KCNN2: variants seen among roughly 807,000 people sequenced by gnomAD.
KCNN2 encodes potassium calcium-activated channel subfamily N member 2, also known as small conductance calcium-activated potassium channel protein 2.
Under a neutral mutation model 55.5 loss-of-function variants are expected in KCNN2, and 24 were observed. That is an observed-to-expected ratio of 0.43 (90% CI 0.31 to 0.61). The LOEUF (loss-of-function observed/expected upper bound fraction) is 0.61, where lower values mean the gene tolerates loss of function less well. KCNN2 is among the 20% of genes least tolerant of loss of function. The pLI, the probability that KCNN2 is intolerant of heterozygous loss-of-function variation, is 0.08. For missense variants in KCNN2, 754 were observed against 853.6 expected, an observed-to-expected ratio of 0.88 and a Z score of 1.45; for synonymous variants, 431 against 336.1, an observed-to-expected ratio of 1.28 and a Z score of -3.09.
chr5:114,306,803 T>G (rs1458232961), intron 2 of KCNN2, among the ~76,000 whole-genome samples: 2 of 151,110 alleles, frequency 1.3e-5, no homozygotes, highest in African/African-American at 4.9e-5. Context: ...CAGATTCAAG[T>G]GACTCTTCTG....
chr5:114,376,893 C>A (rs1757963618), intron 2 of KCNN2, among the ~76,000 whole-genome samples: 1 of 152,106 alleles, frequency 6.6e-6, no homozygotes, highest in Middle Eastern at 3.4e-3. Flanking sequence ...TGGAGACCAG[C>A]CTGGGCAACA....
intron 1 of KCNN2, among the ~76,000 whole-genome samples, chr5:114,067,807 ACTCT>A (rs1175312754): frequency 1.1e-4 from 17 of 152,006 alleles, no homozygotes; most frequent in Non-Finnish European, 2.5e-4. Context: ...TTTGAGAACA[ACTCT>A]CTATATTGTT....
At chr5:114,135,135 C>T (rs763714697) in intron 1 of KCNN2, among the ~76,000 whole-genome samples, 1 of 56,168 alleles carries the variant, frequency 1.8e-5, no homozygotes, top group Non-Finnish European at 4.0e-5. Flanking sequence ...AAGCTTAAGC[C>T]AATAGCGAAG....
intron 1 of KCNN2, among the ~76,000 whole-genome samples, chr5:114,098,549 T>C (rs892931442): frequency 2.6e-5 from 4 of 152,068 alleles, no homozygotes; most frequent in Non-Finnish European, 4.4e-5. Flanking sequence ...AGCTAATGCC[T>C]GATGATCTGA....
intron 2 of KCNN2, among the ~76,000 whole-genome samples, chr5:114,225,217 T>C (rs1308683302): frequency 6.6e-6 from 1 of 152,210 alleles, no homozygotes; most frequent in Non-Finnish European, 1.5e-5. Flanking sequence ...AATTTAAAGA[T>C]CTCATTAATT....
chr5:114,485,292 A>C (rs1022546466), intron 5 of KCNN2, among the ~76,000 whole-genome samples: 1 of 152,108 alleles, frequency 6.6e-6, no homozygotes, highest in African/African-American at 2.4e-5. Flanking sequence ...GAGAGCCTCC[A>C]TCAGGGCCCC....
At position 114,362,729 on chromosome 5, in the gene KCNN2, A is replaced by C. The variant is rs1377466020; in HGVS notation, c.590A>C (p.His197Pro). 4 of 1,526,274 alleles carry C rather than the reference A, an allele frequency of 2.6e-6. No individual in the cohort carries two copies. In the African/African-American group the frequency reaches 4.1e-5, roughly 16 times the overall value. 94.5% of individuals were successfully genotyped at this position (1,526,274 alleles called of 1,614,324 possible). A position where few individuals can be genotyped will look rare whatever the true frequency, so the allele number is the denominator to read the frequency against. The change falls in exon 1 of 8, where the codon CAC becomes CCC. Residue 197 changes from histidine to proline, a missense_variant. Coordinates refer to ENST00000673685, the MANE Select transcript of KCNN2 (RefSeq NM_021614.4). Reference protein sequence around the residue: ...HHPHPAHHQHHQPQARRESNP... With the variant: ...HHPHPAHHQHPQPQARRESNP... ...CCGCACCCGGCGCACCACCAGCACC[A>C]CCAGCCCCAGGCGCGCCGCGAGAGC... is the stretch of plus-strand genomic sequence containing the variant.
intron 2 of KCNN2, among the ~76,000 whole-genome samples, chr5:114,394,129 C>T (rs1249862090): frequency 6.6e-6 from 1 of 152,126 alleles, no homozygotes; most frequent in African/African-American, 2.4e-5. Flanking sequence ...CTGAGATATG[C>T]GTGAGTACTG....
chr5:114,223,723 A>C (rs1253189045), intron 2 of KCNN2, among the ~76,000 whole-genome samples: 10 of 152,162 alleles, frequency 6.6e-5, no homozygotes, highest in Non-Finnish European at 4.4e-5. Context: ...GGATGAGGCT[A>C]GGGTTGGTTT....
At chr5:114,141,581 G>C (rs1366556037) in intron 1 of KCNN2, among the ~76,000 whole-genome samples, 3 of 152,134 alleles carry the variant, frequency 2.0e-5, no homozygotes, top group East Asian at 3.8e-4. Context: ...GAATAGTGCT[G>C]CAGTAAACAT....
chr5:114,458,728 G>T (rs1279674147), intron 3 of KCNN2, among the ~76,000 whole-genome samples: 1 of 152,178 alleles, frequency 6.6e-6, no homozygotes, highest in African/African-American at 2.4e-5. Context: ...ATATCTACAA[G>T]ATGTTCCTGG....
rs572854103 is a variant in KCNN2 at position 114,304,019 on chromosome 5, A to G, written c.-184-56926A>G. On this transcript the variant is annotated intron_variant, in intron 2 of 10. Coordinates refer to the KCNN2 transcript ENST00000512097. ...GGAGTCATTTACATAAAAAGAAATT[A>G]ACTGTTATATACTTTATTTTGAATA... Among the ~76,000 whole-genome samples the G allele has an allele frequency of 3.9e-5, 6 of 152,344 alleles. No homozygotes were observed. The South Asian group carries it at 1.2e-3, about 32-fold the overall frequency.
intron 1 of KCNN2, among the ~76,000 whole-genome samples, chr5:114,171,199 G>A (rs954747382): frequency 5.3e-5 from 8 of 151,948 alleles, no homozygotes; most frequent in Non-Finnish European, 1.0e-4. Context: ...TTTTTAGGAA[G>A]GAAGTATGCA....
intron 2 of KCNN2, among the ~76,000 whole-genome samples, chr5:114,283,417 T>G (rs1309828216): frequency 6.6e-6 from 1 of 152,208 alleles, no homozygotes; most frequent in Non-Finnish European, 1.5e-5. Flanking sequence ...ACATTTTACT[T>G]TTTCCACATT....
intron 1 of KCNN2, among the ~76,000 whole-genome samples, chr5:114,104,375 T>C (rs1422456382): frequency 6.6e-6 from 1 of 151,852 alleles, no homozygotes; most frequent in Non-Finnish European, 1.5e-5. Flanking sequence ...TCAAAAAACC[T>C]CCTGGATTCG....
At chr5:114,436,344 T>G (rs1760002993) in intron 3 of KCNN2, among the ~76,000 whole-genome samples, 1 of 152,186 alleles carries the variant, frequency 6.6e-6, no homozygotes, top group Non-Finnish European at 1.5e-5. Flanking sequence ...GTAACACAGT[T>G]TTTTGGATTT....
chr5:114,131,717 A>G (rs1226174975), intron 1 of KCNN2, among the ~76,000 whole-genome samples: 1 of 152,188 alleles, frequency 6.6e-6, no homozygotes, highest in East Asian at 1.9e-4. Context: ...TGTCTTCTAC[A>G]ATGGTTGAAC....
Position 114,363,936 on chromosome 5 carries a change from C to G in KCNN2, c.1153C>G (p.Leu385Val). 1.2e-6 allele frequency: 2 copies of G among 1,614,010 alleles called. No individual in the cohort carries two copies. Among genetic ancestry groups the G allele is most frequent in the Non-Finnish European group, 1.7e-6 (2 of 1,179,918 alleles). ...GCTGTATTCCTTAGCTCTGAAATGC[C>G]TTATCAGTCTCTCCACGATCATCCT... Reference protein sequence around the residue: ...ASLYSLALKCLISLSTIILLG... With the variant: ...ASLYSLALKCVISLSTIILLG... Residue 385 changes from leucine (L) to valine (V), a missense_variant, in exon 2 of 8, where the codon CTT becomes GTT. This residue lies in a region of KCNN2 where 123 missense variants were observed against 204.9 expected (regional missense o/e 0.60). Transcript: ENST00000673685.
At chr5:114,107,428 AG>A (rs759710154) in intron 1 of KCNN2, among the ~76,000 whole-genome samples, 99 of 152,236 alleles carry the variant, frequency 6.5e-4, no homozygotes, top group Non-Finnish European at 1.4e-3. Context: ...TCCATTGCCC[AG>A]GCTGGAGTGC....
Sources: gnomAD v4.1 joint callset for allele counts (sites outside exome capture counted in the v4.1 genomes callset) on GRCh38, gnomAD v4.1.1 for gene constraint, gnomAD v4.1.1 regional missense constraint, MANE v1.5 for transcripts, NCBI Gene and HGNC (gene_info 2026-07-23, HGNC 2026-07-21) for gene names.